HIBADH: variants seen among roughly 807,000 people sequenced by gnomAD.
HIBADH encodes 3-hydroxyisobutyrate dehydrogenase.
A neutral mutation model predicts 36.1 loss-of-function variants in HIBADH; 25 were observed. The ratio of observed to expected loss-of-function variants is 0.69; its 90% CI spans 0.50 to 0.97. HIBADH has a LOEUF of 0.97. Among genes scored for constraint, HIBADH ranks in the 50% least tolerant of loss-of-function variants. The probability of loss-of-function intolerance (pLI) is 0.00; values close to 1 mark genes in which losing one functional copy is unlikely to be tolerated. For missense variants in HIBADH, 421 were observed against 418.0 expected (o/e 1.01, Z -0.06); for synonymous variants, 160 against 149.5 (o/e 1.07, Z -0.51).
At chr7:27,647,172 T>C (rs955229430) in intron 2 of HIBADH, among the ~76,000 whole-genome samples, 14 of 152,260 alleles carry the variant, frequency 9.2e-5, no homozygotes, top group Admixed American at 9.2e-4. Flanking sequence ...GCACGCGATA[T>C]CACAACACCC....
At chr7:27,642,381 A>G (rs2128295976) in intron 2 of HIBADH, among the ~76,000 whole-genome samples, 1 of 152,350 alleles carries the variant, frequency 6.6e-6, no homozygotes, top group Non-Finnish European at 1.5e-5. Flanking sequence ...ATTACAATAG[A>G]AACTTCCTTG....
At chr7:27,590,477 C>G (rs1784923418) in intron 4 of HIBADH, among the ~76,000 whole-genome samples, 1 of 152,212 alleles carries the variant, frequency 6.6e-6, no homozygotes. Context: ...TCCAAACCAT[C>G]TGAATAGTTT....
chr7:27,605,586 C>CAAAAAAA lies in HIBADH; in HGVS notation c.484+23778_484+23784dup, dbSNP rs70994666. On this transcript the variant is annotated intron_variant, in intron 4 of 7. Coordinates refer to ENST00000265395, the MANE Select transcript of HIBADH (RefSeq NM_152740.4). Reference sequence around the variant, plus strand: ...TTCCCCTCTCCAGTGTTTAGACAAGCAAAAAAAAAAAAAAAAAAAAAAAAA... The same window carrying CAAAAAAA: ...TTCCCCTCTCCAGTGTTTAGACAAGCAAAAAAAAAAAAAAAAAAAAAAAAAAAAAAAA... 2.2e-3 allele frequency among the ~76,000 whole-genome samples: 74 copies of CAAAAAAA among 33,608 alleles called. 1 individual carries two copies. Among genetic ancestry groups the CAAAAAAA allele is most frequent in the Non-Finnish European group, 2.4e-3 (49 of 20,158 alleles). 22.0% of individuals were successfully genotyped at this position (33,608 alleles called of 152,430 possible).
At position 27,649,890 on chromosome 7, in the gene HIBADH, A is replaced by T. The variant is rs28433694; in HGVS notation, c.92-257T>A. Among the ~76,000 whole-genome samples, 1,341 of 145,656 alleles carry T rather than the reference A, an allele frequency of 9.2e-3. 10 individuals carry two copies. The highest frequency in any genetic ancestry group is 0.028 in the African/African-American group (1,129 of 39,826). On this transcript the variant is annotated intron_variant, in intron 1 of 7. Transcript: ENST00000265395. ...TCAAAAATAAATAATAATATTTATTAAAAAAAAAACCCACTAACTTTTAAA... is the reference window on the plus strand; with the variant it reads ...TCAAAAATAAATAATAATATTTATTTAAAAAAAAACCCACTAACTTTTAAA...
At chr7:27,655,347 T>TA (rs1312958173) in intron 1 of HIBADH, among the ~76,000 whole-genome samples, 1 of 152,224 alleles carries the variant, frequency 6.6e-6, no homozygotes, top group African/African-American at 2.4e-5. Flanking sequence ...TCCTCATTCT[T>TA]AGATTCATGC....
intron 4 of HIBADH, among the ~76,000 whole-genome samples, chr7:27,556,537 G>C (rs1249896186): frequency 6.6e-6 from 1 of 151,836 alleles, no homozygotes; most frequent in Non-Finnish European, 1.5e-5. Flanking sequence ...CATTTCTTTG[G>C]CCTTCTTACA....
At chr7:27,582,000 G>A (rs1784800185) in intron 4 of HIBADH, among the ~76,000 whole-genome samples, 2 of 152,126 alleles carry the variant, frequency 1.3e-5, no homozygotes, top group Admixed American at 1.3e-4. Flanking sequence ...AGAGATGCTT[G>A]TTTTCTCTCT....
At chr7:27,546,798 C>A (rs1784240341) in intron 4 of HIBADH, among the ~76,000 whole-genome samples, 1 of 152,170 alleles carries the variant, frequency 6.6e-6, no homozygotes, top group Non-Finnish European at 1.5e-5. Flanking sequence ...TCACAAATGT[C>A]CCTGCTCCTA....
intron 3 of HIBADH, among the ~76,000 whole-genome samples, chr7:27,631,711 G>C (rs920842225): frequency 1.3e-5 from 2 of 152,176 alleles, no homozygotes; most frequent in Admixed American, 1.3e-4. Context: ...TTTATGCCTA[G>C]TGTTCCATTT....
At chr7:27,638,308 C>CAAAAGAAAAA (rs1785885322) in intron 2 of HIBADH, among the ~76,000 whole-genome samples, 1 of 55,472 alleles carries the variant, frequency 1.8e-5, no homozygotes, top group African/African-American at 7.4e-5. Flanking sequence ...TTGGCAAAGT[C>CAAAAGAAAAA]AAAAAAAAAA....
At chr7:27,606,741 A>G (rs939899693) in intron 4 of HIBADH, among the ~76,000 whole-genome samples, 17 of 152,220 alleles carry the variant, frequency 1.1e-4, no homozygotes, top group African/African-American at 4.1e-4. Flanking sequence ...TTGAGTCTCT[A>G]CTAAAAGTGA....
chr7:27,556,231 T>C (rs1157611549), intron 4 of HIBADH, among the ~76,000 whole-genome samples: 1 of 152,140 alleles, frequency 6.6e-6, no homozygotes, highest in Non-Finnish European at 1.5e-5. Flanking sequence ...AAAAGTCGAG[T>C]ATCTTTTTAC....
At chr7:27,661,561 G>A (rs946201417) in intron 1 of HIBADH, among the ~76,000 whole-genome samples, 2 of 114,048 alleles carry the variant, frequency 1.8e-5, no homozygotes, top group African/African-American at 6.9e-5. Context: ...CTGCACTCCA[G>A]CCTGGGCGAC....
At chr7:27,575,877 C>G (rs1241890453) in intron 4 of HIBADH, among the ~76,000 whole-genome samples, 1 of 152,202 alleles carries the variant, frequency 6.6e-6, no homozygotes, top group Non-Finnish European at 1.5e-5. Context: ...GCCATCTGCT[C>G]GCAGCAACAG....
intron 6 of HIBADH, among the ~76,000 whole-genome samples, chr7:27,536,883 C>T (rs929251892): frequency 6.6e-5 from 10 of 152,152 alleles, no homozygotes; most frequent in African/African-American, 2.4e-4. Context: ...TAGGTTCATC[C>T]AGCCTTTTAC....
chr7:27,643,181 C>T (rs894476448), intron 2 of HIBADH, among the ~76,000 whole-genome samples: 2 of 152,154 alleles, frequency 1.3e-5, no homozygotes, highest in Non-Finnish European at 1.5e-5. Flanking sequence ...AGAAAGTTCT[C>T]GAGAAACATC....
At chr7:27,554,417 C>G (rs537797384) in intron 4 of HIBADH, among the ~76,000 whole-genome samples, 81 of 152,326 alleles carry the variant, frequency 5.3e-4, no homozygotes, top group African/African-American at 1.8e-3. Flanking sequence ...TGGCTATTTT[C>G]CTGTAAGTTT....
At chr7:27,536,300 G>C (rs890528679) in intron 6 of HIBADH, among the ~76,000 whole-genome samples, 5 of 151,928 alleles carry the variant, frequency 3.3e-5, no homozygotes, top group Non-Finnish European at 7.4e-5. Flanking sequence ...CAATTCATTG[G>C]TATAATCTGA....
intron 2 of HIBADH, among the ~76,000 whole-genome samples, chr7:27,636,845 T>A (rs924843849): frequency 2.6e-5 from 4 of 152,214 alleles, no homozygotes; most frequent in African/African-American, 7.2e-5. Flanking sequence ...GAAGGGGCAG[T>A]GCAGAGCAGA....
Sources: gnomAD v4.1 joint callset for allele counts (sites outside exome capture counted in the v4.1 genomes callset) on GRCh38, gnomAD v4.1.1 for gene constraint, MANE v1.5 for transcripts, NCBI Gene and HGNC (gene_info 2026-07-23, HGNC 2026-07-21) for gene names.